Variants in BACH1 observed in about 807,000 individuals in gnomAD.
BACH1 encodes transcription regulator protein BACH1.
BACH1 carries 35 observed loss-of-function variants against 52.9 expected under a neutral mutation model. That is an observed-to-expected ratio of 0.66 (90% CI 0.51 to 0.88). The LOEUF (loss-of-function observed/expected upper bound fraction) is 0.88. Ranked by LOEUF, BACH1 falls within the 40% of genes least tolerant of loss-of-function variation. The pLI is 0.00. For missense variants in BACH1, 808 were observed against 872.6 expected (o/e 0.93, Z 0.93); for synonymous variants, 321 against 319.6 (o/e 1.00, Z -0.05).
Position 29,321,416 on chromosome 21 carries a change from C to T in BACH1, c.136C>T (p.Arg46Cys), listed in dbSNP as rs1046465663. 5.0e-6 allele frequency: 8 copies of T among 1,614,072 alleles called. No homozygotes were observed. The highest frequency in any genetic ancestry group is 2.2e-5 in the East Asian group (1 of 44,888). The change falls in exon 2 of 5, where the codon CGC becomes TGC. Residue 46 changes from arginine to cysteine, a missense_variant. Transcript: ENST00000286800. ...CATCTTTGTGGAGGGACAGCGGTTC[C>T]GCGCTCACCGGTCCGTGCTGGCGGC... ...VTIFVEGQRF[R>C]AHRSVLAACS...
intron 2 of BACH1, among the ~76,000 whole-genome samples, chr21:29,356,849 T>C (rs1274429784): frequency 8.7e-6 from 1 of 115,598 alleles, no homozygotes; most frequent in Admixed American, 8.7e-5. Context: ...TTACTACTTC[T>C]ATCTCTCTCT....
chr21:29,348,190 A>T (rs1247721768), downstream of BACH1, among the ~76,000 whole-genome samples: 1 of 152,146 alleles, frequency 6.6e-6, no homozygotes, highest in Non-Finnish European at 1.5e-5. Context: ...TCCAGTTGAG[A>T]TTCTTTCAAG....
downstream of BACH1, among the ~76,000 whole-genome samples, chr21:29,348,938 C>CA (rs1226207718): frequency 6.6e-6 from 1 of 151,898 alleles, no homozygotes; most frequent in African/African-American, 2.4e-5. Flanking sequence ...ACTAAAAATA[C>CA]AAAAAATTAG....
In BACH1 at chr21:29,327,647, T is replaced by C. The variant is rs111796583; in HGVS notation, c.1569+254T>C. Among the ~76,000 whole-genome samples, 525 of 152,238 alleles carry C rather than the reference T, an allele frequency of 3.4e-3. 7 individuals carry two copies. The highest frequency in any genetic ancestry group is 0.012 in the African/African-American group (491 of 41,554). ...AAGTTTGAGATCAGCCTGGCCAACA[T>C]GGCGAATCTCCGTCTCTACAAAAAT... is the stretch of plus-strand genomic sequence containing the variant. On this transcript the variant is annotated intron_variant, in intron 3 of 4. Transcript: ENST00000286800.
At chr21:29,346,330 T>G (rs914267774), downstream of BACH1, among the ~76,000 whole-genome samples, 9 of 152,226 alleles carry the variant, frequency 5.9e-5, no homozygotes, top group Non-Finnish European at 1.3e-4. Context: ...AGATTTTAGC[T>G]TTGCTTCTGA....
At chr21:29,328,193 T>G (rs1039192347) in intron 3 of BACH1, among the ~76,000 whole-genome samples, 1 of 152,228 alleles carries the variant, frequency 6.6e-6, no homozygotes, top group Non-Finnish European at 1.5e-5. Flanking sequence ...CATTGATTTT[T>G]AAATTTTCCT....
downstream of BACH1, among the ~76,000 whole-genome samples, chr21:29,349,122 T>C (rs1029157242): frequency 6.6e-6 from 1 of 151,498 alleles, no homozygotes; most frequent in African/African-American, 2.4e-5. Flanking sequence ...TATCTTTACA[T>C]AGATTTAAGC....
intron 2 of BACH1, among the ~76,000 whole-genome samples, chr21:29,324,664 G>T (rs1466081404): frequency 6.7e-6 from 1 of 150,050 alleles, no homozygotes; most frequent in African/African-American, 2.4e-5. Flanking sequence ...AAATAAAATT[G>T]CTGTAAACAT....
At position 29,326,584 on chromosome 21, in the gene BACH1, C is replaced by A. The variant is rs1423418036; in HGVS notation, c.760C>A (p.Gln254Lys). 6.2e-7 allele frequency: 1 copy of A among 1,614,208 alleles called. No individual in the cohort carries two copies. Among genetic ancestry groups the A allele is most frequent in the East Asian group, 2.2e-5 (1 of 44,884 alleles). ...TGTCAAAGACATTCATGCTTCTGTT[C>A]AGCCAAATGAAAGGTCTGAAAATGA... Reference protein sequence around the residue: ...SSVKDIHASVQPNERSENECL... With the variant: ...SSVKDIHASVKPNERSENECL... Residue 254 changes from glutamine (Q) to lysine (K), a missense_variant, in exon 3 of 5, where the codon CAG (glutamine) becomes AAG (lysine). By Grantham distance (53) the Gln-to-Lys change is moderately conservative. Coordinates refer to ENST00000286800, the MANE Select transcript of BACH1 (RefSeq NM_001186.4).
At chr21:29,324,390 C>T (rs775573593) in intron 2 of BACH1, among the ~76,000 whole-genome samples, 1 of 152,062 alleles carries the variant, frequency 6.6e-6, no homozygotes, top group East Asian at 1.9e-4. Context: ...ATCTTTCTTC[C>T]TTTTCTAAAG....
chr21:29,355,479 C>T (rs1601377385), intron 2 of BACH1, among the ~76,000 whole-genome samples: 1 of 152,224 alleles, frequency 6.6e-6, no homozygotes, highest in African/African-American at 2.4e-5. Context: ...CCCCTCTAAA[C>T]AGGACACCCC....
chr21:29,357,329 G>A (rs993744923), intron 2 of BACH1, among the ~76,000 whole-genome samples: 4 of 152,140 alleles, frequency 2.6e-5, no homozygotes, highest in Non-Finnish European at 4.4e-5. Context: ...GATTAGCTAC[G>A]GGGACTTCTA....
chr21:29,326,302 T>C lies in BACH1; in HGVS notation c.478T>C (p.Leu160=), dbSNP rs1450863910. 1.9e-6 allele frequency: 3 copies of C among 1,614,194 alleles called. No homozygotes were observed. In the South Asian group the frequency reaches 3.3e-5, roughly 18 times the overall value. Residue 160 remains leucine (L), a synonymous_variant, in exon 3 of 5, where the codon TTG becomes CTG. Coordinates refer to ENST00000286800, the MANE Select transcript of BACH1 (RefSeq NM_001186.4). ...CQKTDLKLSL[L]DQRDLETDEV... is the part of the protein sequence containing the mutation. ...GAAAACAGACCTTAAACTTTCACTT[T>C]TGGACCAGAGGGATCTAGAAACTGA...
chr21:29,358,727 G>A (rs1370687478), intron 2 of BACH1, among the ~76,000 whole-genome samples: 7 of 142,786 alleles, frequency 4.9e-5, no homozygotes, highest in Non-Finnish European at 1.1e-4. Flanking sequence ...GTGACAGAGT[G>A]AGACTCTGTC....
At chr21:29,302,696 T>C (rs2088616745) in intron 1 of BACH1, among the ~76,000 whole-genome samples, 1 of 152,214 alleles carries the variant, frequency 6.6e-6, no homozygotes, top group African/African-American at 2.4e-5. Flanking sequence ...TTAGGTGTTA[T>C]TATCTGTTGT....
At chr21:29,333,820 A>G (rs967618073) in intron 4 of BACH1, among the ~76,000 whole-genome samples, 1 of 152,236 alleles carries the variant, frequency 6.6e-6, no homozygotes, top group Admixed American at 6.5e-5. Context: ...GGACACTTTT[A>G]TTAAAGTCTC....
At chr21:29,322,094 GTGAGACTTATTCACTA>G (rs2088855698) in intron 2 of BACH1, among the ~76,000 whole-genome samples, 1 of 152,128 alleles carries the variant, frequency 6.6e-6, no homozygotes, top group Non-Finnish European at 1.5e-5. Context: ...ATCACATCTC[GTGAGACTTATTCACTA>G]TCACCAGAAT....
At chr21:29,306,377 T>C (rs1191476606) in intron 1 of BACH1, among the ~76,000 whole-genome samples, 39 of 151,872 alleles carry the variant, frequency 2.6e-4, no homozygotes, top group East Asian at 7.7e-4. Flanking sequence ...TTTTTTTTTT[T>C]CCTAGGTTGT....
chr21:29,307,324 C>A (rs12627650), intron 1 of BACH1, among the ~76,000 whole-genome samples: 3,042 of 152,238 alleles, frequency 0.02, 81 homozygotes, highest in African/African-American at 0.061. Context: ...TTGTAGTACT[C>A]CTAACTTTTC....
Sources: allele counts gnomAD v4.1 joint callset (sites outside exome capture counted in the v4.1 genomes callset), GRCh38; gene constraint gnomAD v4.1.1; transcripts MANE v1.5; gene names NCBI Gene and HGNC (gene_info 2026-07-23, HGNC 2026-07-21).